STAG2: variants seen among roughly 807,000 people sequenced by gnomAD.
STAG2 encodes cohesin subunit SA-2.
Under a neutral mutation model 108.1 loss-of-function variants are expected in STAG2, and 14 were observed. The ratio of observed to expected loss-of-function variants is 0.13; its 90% CI spans 0.09 to 0.20. STAG2 has a LOEUF of 0.20. Ranked by LOEUF, STAG2 falls within the 10% of genes least tolerant of loss-of-function variation. STAG2 has a pLI of 1.00. For missense variants in STAG2, 440 were observed against 940.9 expected, an observed-to-expected ratio of 0.47 and a Z score of 6.96; for synonymous variants, 307 against 302.7, an observed-to-expected ratio of 1.01 and a Z score of -0.15.
rs2148465207 is a variant in STAG2 at position 124,086,596 on chromosome X, G to C, written c.3103G>C (p.Glu1035Gln). 8.3e-7 allele frequency: 1 copy of C among 1,211,758 alleles called. No homozygotes were observed. The highest frequency in any genetic ancestry group is 1.8e-5 in the South Asian group (1 of 57,009). ...FMTFQMSLRR[E>Q]DVWLPLMSYR... ...GACCTTTCAGATGTCACTCCGAAGA[G>C]AGGATGTGTGGCTTCCACTGATGTC... The change falls in exon 30 of 35, where the codon GAG becomes CAG. Residue 1035 changes from glutamate to glutamine, a missense_variant. Transcript: ENST00000371145.
intron 3 of STAG2, among the ~76,000 whole-genome samples, chrX:124,023,706 A>G (rs934099684): frequency 1.8e-5 from 2 of 112,165 alleles, no homozygotes; most frequent in South Asian, 7.3e-4. Context: ...AGATATAAAG[A>G]GAAGATTATG....
At chrX:124,062,414 A>G (rs2058409160) in intron 17 of STAG2, among the ~76,000 whole-genome samples, 1 of 112,250 alleles carries the variant, frequency 8.9e-6, no homozygotes, top group South Asian at 3.6e-4. Context: ...ACAAAATTTT[A>G]TCAAAGACAA....
At chrX:124,098,572 C>A (rs982317891) in intron 34 of STAG2, among the ~76,000 whole-genome samples, 1 of 111,335 alleles carries the variant, frequency 9.0e-6, no homozygotes, top group African/African-American at 3.3e-5. Context: ...GATTTAAATT[C>A]TTTAATGTCC....
Position 124,048,934 on chromosome X carries a change from G to T in STAG2, c.820-71G>T. The T allele has an allele frequency of 5.7e-6, 5 of 880,515 alleles. No homozygotes were observed. In the East Asian group the frequency reaches 1.6e-4, roughly 28 times the overall value. The allele number at this position is 880,515 out of a possible 1,213,427, so 72.6% of individuals were successfully genotyped here. Reference sequence around the variant, plus strand: ...GGGGAATTCTGCTTTTTTTGTGCTTGTAACAACTTACAGGTGTTCATTTGG... The same window carrying T: ...GGGGAATTCTGCTTTTTTTGTGCTTTTAACAACTTACAGGTGTTCATTTGG... On this transcript the variant is annotated intron_variant, in intron 9 of 34. Coordinates refer to ENST00000371145, the MANE Select transcript of STAG2 (RefSeq NM_001042750.2).
Position 124,101,482 on chromosome X carries a change from TTA to T in STAG2, c.*898_*899del, listed in dbSNP as rs1040669328. The T allele has an allele frequency of 1.7e-4, 25 of 147,684 alleles. No individual in the cohort carries two copies. Among genetic ancestry groups the T allele is most frequent in the East Asian group, 3.1e-4 (3 of 9,594 alleles). The allele number at this position is 147,684 out of a possible 1,213,427, so 12.2% of individuals were successfully genotyped here. On this transcript the variant is annotated 3_prime_UTR_variant, in exon 35 of 35. Transcript: ENST00000371145. The stretch of plus-strand genomic sequence containing the variant: ...ATAGGGATCTAAATTTTAAATAAAA[TTA>T]TATATATATATAAATTGGTGCTGAT...
intron 5 of STAG2, among the ~76,000 whole-genome samples, chrX:124,034,815 TATTC>T (rs1246135018): frequency 1.8e-5 from 2 of 111,103 alleles, no homozygotes; most frequent in Non-Finnish European, 3.8e-5. Flanking sequence ...GATCATGTGT[TATTC>T]ATTATTTTTG....
At chrX:124,097,179 CAAAAAAAAA>C (rs56942682) in intron 34 of STAG2, among the ~76,000 whole-genome samples, 3 of 38,194 alleles carry the variant, frequency 7.9e-5, no homozygotes, top group African/African-American at 2.5e-4. Flanking sequence ...GACCCTGTCT[CAAAAAAAAA>C]AAAAAAAAAA....
At chrX:123,977,907 A>G (rs1176888807) in intron 1 of STAG2, among the ~76,000 whole-genome samples, 1 of 88,731 alleles carries the variant, frequency 1.1e-5, no homozygotes, top group Non-Finnish European at 2.1e-5. Context: ...AAGTGGCACT[A>G]TCATGGCTCA....
rs776231686 is a variant in STAG2 at position 124,022,671 on chromosome X, A to G, written c.44A>G (p.Gln15Arg). The G allele has an allele frequency of 8.8e-7, 1 of 1,132,539 alleles. No individual in the cohort carries two copies. Among genetic ancestry groups the G allele is most frequent in the Non-Finnish European group, 1.2e-6 (1 of 841,311 alleles). 93.3% of individuals were successfully genotyped at this position (1,132,539 alleles called of 1,213,427 possible). ...ATACCAACTGATTTTAATCTACTAC[A>G]GTAAGTAAATTATATTCTGATAATT... ...PEIPTDFNLL[Q>R]ESETHFSSDT... Residue 15 changes from glutamine (Q) to arginine (R), a missense_variant and splice_region_variant, in exon 3 of 35, where the codon CAG (glutamine) becomes CGG (arginine). By Grantham distance (43) the Gln-to-Arg change is conservative. Coordinates refer to ENST00000371145, the MANE Select transcript of STAG2 (RefSeq NM_001042750.2).
intron 6 of STAG2, among the ~76,000 whole-genome samples, chrX:124,042,234 T>C (rs1018109957): frequency 9.0e-6 from 1 of 111,391 alleles, no homozygotes; most frequent in African/African-American, 3.3e-5. Flanking sequence ...TCACTCTTGA[T>C]AACATATGGT....
intron 1 of STAG2, among the ~76,000 whole-genome samples, chrX:124,015,450 T>C (rs1380173330): frequency 1.9e-5 from 2 of 106,839 alleles, no homozygotes; most frequent in Admixed American, 2.0e-4. Flanking sequence ...AGTGGCATGA[T>C]CTTGGCTCAC....
chrX:124,020,762 T>C (rs1322665123), intron 1 of STAG2, among the ~76,000 whole-genome samples: 1 of 111,950 alleles, frequency 8.9e-6, no homozygotes, highest in Admixed American at 9.4e-5. Context: ...CAGGCTGGAG[T>C]GCAGTGGCAT....
At chrX:124,041,398 G>C (rs942362752) in intron 6 of STAG2, among the ~76,000 whole-genome samples, 2 of 109,169 alleles carry the variant, frequency 1.8e-5, no homozygotes, top group Non-Finnish European at 3.8e-5. Flanking sequence ...TGGGATTATG[G>C]ATTTACAGCT....
intron 34 of STAG2, among the ~76,000 whole-genome samples, chrX:124,099,335 C>T (rs932559337): frequency 2.7e-5 from 3 of 111,643 alleles, no homozygotes; most frequent in African/African-American, 9.8e-5. Context: ...TACCGAGATT[C>T]ATAGAGTGTT....
At chrX:124,036,028 GA>G (rs2057505952) in intron 5 of STAG2, among the ~76,000 whole-genome samples, 1 of 112,068 alleles carries the variant, frequency 8.9e-6, no homozygotes, top group African/African-American at 3.2e-5. Flanking sequence ...TCATATTTGG[GA>G]AAAATACTGA....
At chrX:124,081,602 A>G in intron 28 of STAG2, 74 bp downstream of exon 28, 1 of 804,574 alleles carries the variant, frequency 1.2e-6, no homozygotes, top group Admixed American at 3.5e-5. Context: ...TAGCCCTTTC[A>G]TTTGGAATAA....
chrX:124,074,821 C>T (rs781729155), intron 25 of STAG2, among the ~76,000 whole-genome samples: 11 of 111,838 alleles, frequency 9.8e-5, no homozygotes, highest in African/African-American at 3.6e-4. Flanking sequence ...AAAATCAGGA[C>T]TTAAAAACTC....
intron 15 of STAG2, 142 bp from the exon 16 acceptor site, chrX:124,061,082 T>A (rs1223126201): frequency 1.9e-5 from 7 of 366,509 alleles, no homozygotes; most frequent in Non-Finnish European, 3.2e-5. Flanking sequence ...GGCAGTTTCT[T>A]CTCTGTCCTT....
intron 9 of STAG2, 103 bp from the exon 10 acceptor site, chrX:124,048,902 A>G: frequency 1.6e-6 from 1 of 614,289 alleles, no homozygotes; most frequent in Non-Finnish European, 2.6e-6. Context: ...AAATTCCCCA[A>G]AATACTGGGG....
Sources: gnomAD v4.1 joint callset for allele counts (sites outside exome capture counted in the v4.1 genomes callset) on GRCh38, gnomAD v4.1.1 for gene constraint, MANE v1.5 for transcripts, NCBI Gene and HGNC (gene_info 2026-07-23, HGNC 2026-07-21) for gene names.